The following DOK3 variants were observed in gnomAD, a reference collection of about 807,000 sequenced individuals.
DOK3 encodes docking protein 3, also known as Dok-like protein.
DOK3 carries 23 observed loss-of-function variants against 26.2 expected under a neutral mutation model. The ratio of observed to expected loss-of-function variants is 0.88; its 90% CI spans 0.63 to 1.24. The LOEUF (loss-of-function observed/expected upper bound fraction) is 1.24. DOK3 is among the 50% of genes most tolerant of loss of function. The pLI, the probability that DOK3 is intolerant of heterozygous loss-of-function variation, is 0.00. For synonymous variants in DOK3, 268 were observed against 268.2 expected, an observed-to-expected ratio of 1.00 and a Z score of 0.01; for missense variants, 619 against 610.6, an observed-to-expected ratio of 1.01 and a Z score of -0.15.
intron 3 of DOK3, 57 bp from the exon 4 acceptor site, chr5:177,505,167 T>TTGCTCCCAGGACAGTG: frequency 1.0e-5 from 15 of 1,456,470 alleles, no homozygotes; most frequent in Non-Finnish European, 1.3e-5. Flanking sequence ...CCCTGTCCCC[T>TTGCTCCCAGGACAGTG]CCCCTCAGTA....
rs983842892 is a variant in DOK3 at position 177,504,324 on chromosome 5, C to G, written c.982G>C (p.Val328Leu). The change falls in exon 6 of 6, where the codon GTG becomes CTG. Residue 328 changes from valine (V) to leucine (L), a missense_variant. Transcript: ENST00000510898. Reference protein sequence around the residue: ...NDLASGLYASVCKRASGPPGN... With the variant: ...NDLASGLYASLCKRASGPPGN... ...GGGGGCCCACTGGCACGCTTGCACA[C>G]TGAAGCGTAGAGCCCGGACGCCAGA... The G allele has an allele frequency of 6.2e-7, 1 of 1,600,094 alleles. No individual in the cohort carries two copies. The highest frequency in any genetic ancestry group is 8.5e-7 in the Non-Finnish European group (1 of 1,171,962).
chr5:177,503,152 G>A lies in DOK3; in HGVS notation c.*831C>T. The A allele has an allele frequency of 6.5e-7, 1 of 1,531,320 alleles. No homozygotes were observed. The highest frequency in any genetic ancestry group is 8.8e-7 in the Non-Finnish European group (1 of 1,138,676). 94.9% of individuals were successfully genotyped at this position (1,531,320 alleles called of 1,614,324 possible). ...TGCGTGCGTGGCTGGCTCCTAGGATGGCGCCAGGAGCAGGAGCAGAGGAGG... is the reference window on the plus strand; with the variant it reads ...TGCGTGCGTGGCTGGCTCCTAGGATAGCGCCAGGAGCAGGAGCAGAGGAGG... On this transcript the variant is annotated 3_prime_UTR_variant, in exon 6 of 6. Coordinates refer to ENST00000510898, the MANE Select transcript of DOK3 (RefSeq NM_001308236.3).
intron 3 of DOK3, among the ~76,000 whole-genome samples, chr5:177,507,376 T>C (rs1205812007): frequency 6.6e-6 from 1 of 152,150 alleles, no homozygotes; most frequent in Non-Finnish European, 1.5e-5. Context: ...GTTTTGCTTA[T>C]CCATTTGTCA....
chr5:177,510,261 A>C, upstream of DOK3: 4 of 251,380 alleles, frequency 1.6e-5, no homozygotes, highest in Admixed American at 5.0e-5. Context: ...CCCCCTCACC[A>C]CTGTGCTGCC....
Position 177,504,600 on chromosome 5 carries a change from T to C in DOK3, c.706A>G (p.Ser236Gly). 1.2e-6 allele frequency: 2 copies of C among 1,610,238 alleles called. No individual in the cohort carries two copies. The highest frequency in any genetic ancestry group is 1.7e-6 in the Non-Finnish European group (2 of 1,179,104). ...CHSGEGLFAFSTPCAPDLCRA... is the reference protein window; with the variant it reads ...CHSGEGLFAFGTPCAPDLCRA... Reference sequence around the variant, plus strand: ...CACAGGTCAGGGGCACAGGGGGTGCTGAAGGCAAAGAGGCCCTCACCCGAG... The same window carrying C: ...CACAGGTCAGGGGCACAGGGGGTGCCGAAGGCAAAGAGGCCCTCACCCGAG... The change falls in exon 6 of 6, where the codon AGC (serine) becomes GGC (glycine). Residue 236 changes from serine (S) to glycine (G), a missense_variant. Coordinates refer to ENST00000510898, the MANE Select transcript of DOK3 (RefSeq NM_001308236.3).
upstream of DOK3, chr5:177,509,898 T>A (rs1035154075): frequency 1.9e-6 from 3 of 1,602,526 alleles, no homozygotes; most frequent in Non-Finnish European, 2.5e-6. Context: ...CTGCGCACCC[T>A]GGGCCTGACA....
Position 177,503,212 on chromosome 5 carries a change from C to T in DOK3, c.*771G>A, listed in dbSNP as rs909959241. 3.9e-6 allele frequency: 6 copies of T among 1,551,386 alleles called. No individual in the cohort carries two copies. The African/African-American group carries it at 5.5e-5, about 14-fold the overall frequency. ...ATGGAAGTCTTCAGGAAACTTCTCT[C>T]CCCCTGGAATGTCGGCTCCCGGAGA... is the stretch of plus-strand genomic sequence containing the variant. On this transcript the variant is annotated 3_prime_UTR_variant, in exon 6 of 6. Coordinates refer to ENST00000510898, the MANE Select transcript of DOK3 (RefSeq NM_001308236.3).
At position 177,503,004 on chromosome 5, in the gene DOK3, A is replaced by G. The variant is rs915035026; in HGVS notation, c.*979T>C. On this transcript the variant is annotated 3_prime_UTR_variant, in exon 6 of 6. Transcript: ENST00000510898. ...GGCGGCCAGAGGATGAGGCTTGGAC[A>G]GGAGAGAGCAAAAATTGTGTGTCCG... The G allele has an allele frequency of 4.1e-6, 6 of 1,472,170 alleles. No individual in the cohort carries two copies. The African/African-American group carries it at 7.0e-5, about 17-fold the overall frequency. The allele number at this position is 1,472,170 out of a possible 1,614,324, so 91.2% of individuals were successfully genotyped here.
In DOK3 at chr5:177,508,599, T is replaced by G. The variant is rs570521437; in HGVS notation, c.67-57A>C. On this transcript the variant is annotated intron_variant, in intron 2 of 5. Transcript: ENST00000510898. ...TTGGGTGGCAGATTGTCCGTGCCACTTGGCTCAGCACAAGCTGCTCGGCAA... is the reference window on the plus strand; with the variant it reads ...TTGGGTGGCAGATTGTCCGTGCCACGTGGCTCAGCACAAGCTGCTCGGCAA... The G allele has an allele frequency of 2.5e-5, 36 of 1,448,988 alleles. No individual in the cohort carries two copies. In the African/African-American group the frequency reaches 5.3e-4, roughly 21 times the overall value. The allele number at this position is 1,448,988 out of a possible 1,614,324, so 89.8% of individuals were successfully genotyped here. A position where few individuals can be genotyped will look rare whatever the true frequency, so the allele number is the denominator to read the frequency against.
chr5:177,507,896 G>A (rs560898726), intron 3 of DOK3, among the ~76,000 whole-genome samples: 5 of 152,228 alleles, frequency 3.3e-5, no homozygotes, highest in South Asian at 2.1e-4. Flanking sequence ...ACCCCACACT[G>A]TCCGGCCTCG....
intron 3 of DOK3, among the ~76,000 whole-genome samples, chr5:177,507,316 G>A (rs965694373): frequency 2.0e-5 from 3 of 151,970 alleles, no homozygotes; most frequent in African/African-American, 4.8e-5. Flanking sequence ...TGTGCCAGGC[G>A]TTTGTTTGTT....
Position 177,508,243 on chromosome 5 carries a change from G to T in DOK3, c.366C>A (p.Ala122=). Residue 122 remains alanine, a synonymous_variant, in exon 3 of 6, where the codon GCC becomes GCA. Coordinates refer to ENST00000510898, the MANE Select transcript of DOK3 (RefSeq NM_001308236.3). ...QAWMGPICQL[A]FPGTGEASSG... is the part of the protein sequence containing the mutation. ...CCCTGCTCGCCGCACTCACCGGGAA[G>T]GCCAGCTGGCAGATGGGGCCCATCC... is the stretch of plus-strand genomic sequence containing the variant. The T allele has an allele frequency of 6.7e-7, 1 of 1,501,082 alleles. No homozygotes were observed. The highest frequency in any genetic ancestry group is 8.9e-7 in the Non-Finnish European group (1 of 1,120,262). The allele number at this position is 1,501,082 out of a possible 1,614,324, so 93.0% of individuals were successfully genotyped here. A position where few individuals can be genotyped will look rare whatever the true frequency, so the allele number is the denominator to read the frequency against.
At chr5:177,510,122 G>A (rs377421022), upstream of DOK3, 23 of 591,028 alleles carry the variant, frequency 3.9e-5, no homozygotes, top group East Asian at 4.2e-4. Context: ...GGGCCTCCAT[G>A]CAGCACTCTC....
At chr5:177,504,980 T>C (rs778141771) in intron 4 of DOK3, 31 bp downstream of exon 4, 2 of 1,591,074 alleles carry the variant, frequency 1.3e-6, no homozygotes, top group Non-Finnish European at 1.7e-6. Context: ...TGTGGGGGGC[T>C]GAGGCTGCCC....
chr5:177,504,289 C>T lies in DOK3; in HGVS notation c.1017G>A (p.Glu339=), dbSNP rs757900397. Residue 339 remains glutamate (E), a synonymous_variant, in exon 6 of 6, where the codon GAG becomes GAA. Coordinates refer to ENST00000510898, the MANE Select transcript of DOK3 (RefSeq NM_001308236.3). ...CKRASGPPGN[E]HLYENLCVLE... ...GCACACACAGGTTCTCATAGAGGTG[C>T]TCATTGCCTGGGGGCCCACTGGCAC... is the stretch of plus-strand genomic sequence containing the variant. 2.0e-5 allele frequency: 32 copies of T among 1,607,498 alleles called. No individual in the cohort carries two copies. The Middle Eastern group carries it at 1.2e-3, about 58-fold the overall frequency.
Position 177,503,338 on chromosome 5 carries a change from C to T in DOK3, c.*645G>A, listed in dbSNP as rs574540640. The T allele has an allele frequency of 3.9e-5, 60 of 1,551,428 alleles. No individual in the cohort carries two copies. The highest frequency in any genetic ancestry group is 1.2e-4 in the African/African-American group (9 of 73,156). On this transcript the variant is annotated 3_prime_UTR_variant, in exon 6 of 6. Coordinates refer to ENST00000510898, the MANE Select transcript of DOK3 (RefSeq NM_001308236.3). Reference sequence around the variant, plus strand: ...TCAAGGATTATGCCTGATACGTCATCGGTTCTCTCTCCTTTACAGATGAGG... The same window carrying T: ...TCAAGGATTATGCCTGATACGTCATTGGTTCTCTCTCCTTTACAGATGAGG...
At chr5:177,505,310 C>T (rs1759970123) in intron 3 of DOK3, among the ~76,000 whole-genome samples, 200 bp from the exon 4 acceptor site, 1 of 152,190 alleles carries the variant, frequency 6.6e-6, no homozygotes, top group African/African-American at 2.4e-5. Flanking sequence ...GAGTGCTGGG[C>T]TGGGCAAGAG....
Position 177,504,839 on chromosome 5 carries a change from C to T in DOK3, c.549G>A (p.Val183=). The T allele has an allele frequency of 6.2e-7, 1 of 1,613,188 alleles. No individual in the cohort carries two copies. Among genetic ancestry groups the T allele is most frequent in the East Asian group, 2.2e-5 (1 of 44,866 alleles). ...RCQLKGPALL[V]LGPDAIQLRE... is the part of the protein sequence containing the mutation. ...TCAGCTGGATGGCGTCTGGGCCCAG[C>T]ACCAGCAGGGCCGGCCCCTTCAGCT... Residue 183 remains valine (V), a synonymous_variant, in exon 5 of 6, where the codon GTG becomes GTA. Transcript: ENST00000510898.
In DOK3 at chr5:177,508,544, TGCGGGAGGGGA is replaced by T. The variant is rs765423120; in HGVS notation, c.67-13_67-3del. 3.9e-6 allele frequency: 6 copies of T among 1,534,494 alleles called. No individual in the cohort carries two copies. Among genetic ancestry groups the T allele is most frequent in the South Asian group, 3.6e-5 (3 of 83,984 alleles). On this transcript the variant is annotated splice_region_variant and splice_polypyrimidine_tract_variant and intron_variant, in intron 2 of 5. Coordinates refer to ENST00000510898, the MANE Select transcript of DOK3 (RefSeq NM_001308236.3). Reference sequence around the variant, plus strand: ...AGCCCACACCTTCCGCCAGCACTTCTGCGGGAGGGGAGCGGGAGGGTGAAGACCCTTGGGTG... The same window carrying T: ...AGCCCACACCTTCCGCCAGCACTTCTGCGGGAGGGTGAAGACCCTTGGGTG...
Sources: allele counts gnomAD v4.1 joint callset (sites outside exome capture counted in the v4.1 genomes callset), GRCh38; gene constraint gnomAD v4.1.1; transcripts MANE v1.5; gene names NCBI Gene and HGNC (gene_info 2026-07-23, HGNC 2026-07-21).